MRC2: variants seen among roughly 807,000 people sequenced by gnomAD.
MRC2 encodes the protein mannose receptor C-type 2.
In MRC2, 84 loss-of-function variants were observed where a neutral mutation model predicts 206.2. The ratio of observed to expected loss-of-function variants is 0.41; its 90% confidence interval spans 0.34 to 0.49. The LOEUF (loss-of-function observed/expected upper bound fraction) is 0.49, where lower values mean the gene tolerates loss of function less well. Among genes scored for constraint, MRC2 ranks in the 20% least tolerant of loss-of-function variants. The pLI is 0.31. For synonymous variants in MRC2, 798 were observed against 800.0 expected (o/e 1.00, Z 0.04); for missense variants, 1,676 against 2,001.5 (o/e 0.84, Z 3.10).
chr17:62,687,960 G>A (rs972447891), intron 20 of MRC2, among the ~76,000 whole-genome samples: 10 of 152,298 alleles, frequency 6.6e-5, no homozygotes, highest in African/African-American at 2.2e-4. Flanking sequence ...ACATTCGGAA[G>A]GGTGTTTAGC....
chr17:62,684,606 C>T (rs917729299), intron 20 of MRC2, among the ~76,000 whole-genome samples: 4 of 152,056 alleles, frequency 2.6e-5, no homozygotes, highest in South Asian at 2.1e-4. Context: ...TTTTACCTGG[C>T]GATTGACAAC....
intron 1 of MRC2, chr17:62,661,546 TTCTC>T (rs1175954026): frequency 6.7e-6 from 1 of 149,832 alleles, no homozygotes; most frequent in Non-Finnish European, 1.5e-5. Context: ...TTTTCTTTCT[TTCTC>T]TTTCTTTCTT....
chr17:62,664,505 G>A lies in MRC2; in HGVS notation c.119-43G>A. 6.4e-7 allele frequency: 1 copy of A among 1,567,752 alleles called. No homozygotes were observed. Among genetic ancestry groups the A allele is most frequent in the Non-Finnish European group, 8.6e-7 (1 of 1,157,690 alleles). On this transcript the variant is annotated intron_variant, in intron 1 of 29. Transcript: ENST00000303375. This position sits in a 1 kb window ranked among gnomAD's most constrained non-coding sequence, Gnocchi z 4.7. The stretch of plus-strand genomic sequence containing the variant: ...CACACCGGTCATCAAGGGCCAACCA[G>A]GAGAGCCCCTGTGATGCCTTCGTGT...
chr17:62,675,556 A>C lies in MRC2; in HGVS notation c.1570-234A>C, dbSNP rs1331441206. Among the ~76,000 whole-genome samples, 2 of 152,182 alleles carry C rather than the reference A, an allele frequency of 1.3e-5. No homozygotes were observed. Among genetic ancestry groups the C allele is most frequent in the Non-Finnish European group, 2.9e-5 (2 of 68,034 alleles). ...ACTGGCCGGTCGCTGGTGGCCTGCC[A>C]ATCAGCCACGCTGGGGCTGGGCCTC... On this transcript the variant is annotated intron_variant, in intron 9 of 29. Coordinates refer to ENST00000303375, the MANE Select transcript of MRC2 (RefSeq NM_006039.5). This position sits in a 1 kb window ranked among gnomAD's most constrained non-coding sequence, Gnocchi z 4.1.
intron 1 of MRC2, among the ~76,000 whole-genome samples, chr17:62,657,343 G>T (rs2088630189): frequency 6.6e-6 from 1 of 152,168 alleles, no homozygotes; most frequent in Admixed American, 6.5e-5. Context: ...ATACATCATT[G>T]TTGGATGAAT....
intron 18 of MRC2, 77 bp from the exon 19 acceptor site, chr17:62,681,760 C>T (rs758626193): frequency 7.3e-5 from 83 of 1,140,008 alleles, no homozygotes; most frequent in South Asian, 3.5e-4. Context: ...CCCATTCCTG[C>T]GGCCTTCATT....
intron 1 of MRC2, among the ~76,000 whole-genome samples, chr17:62,638,761 A>C (rs1300938037): frequency 6.9e-6 from 1 of 145,804 alleles, no homozygotes; most frequent in Non-Finnish European, 1.5e-5. Flanking sequence ...AAAAAAAGAA[A>C]GAAACAATTA....
At chr17:62,677,232 C>G (rs1388660909) in intron 11 of MRC2, 37 bp from the exon 12 acceptor site, 5 of 1,505,106 alleles carry the variant, frequency 3.3e-6, no homozygotes, top group Non-Finnish European at 3.6e-6. Flanking sequence ...ACTATGAATC[C>G]TTCTCAGAGC....
At chr17:62,662,681 G>A (rs2088695162) in intron 1 of MRC2, among the ~76,000 whole-genome samples, 1 of 152,084 alleles carries the variant, frequency 6.6e-6, no homozygotes, top group Non-Finnish European at 1.5e-5. Context: ...AGACCAAGGT[G>A]GGCGGATCAC....
rs1240462368 is a variant in MRC2, at chr17:62,680,350, G to A, written c.2437+42G>A. 1 of 1,613,496 alleles carries A rather than the reference G, an allele frequency of 6.2e-7. No homozygotes were observed. Among genetic ancestry groups the A allele is most frequent in the Non-Finnish European group, 8.5e-7 (1 of 1,179,688 alleles). On this transcript the variant is annotated intron_variant, in intron 15 of 29. Transcript: ENST00000303375. This position sits in a 1 kb window ranked among gnomAD's most constrained non-coding sequence, Gnocchi z 4.8. ...CTGGGGGACGCGGGATGGAGCGAAG[G>A]GTGGCGGGGCCAGGAATTCCAGGGA...
chr17:62,676,336 A>T, intron 10 of MRC2, 47 bp from the exon 11 acceptor site: 5 of 1,606,454 alleles, frequency 3.1e-6, no homozygotes, highest in Non-Finnish European at 4.2e-6. Context: ...TGACTGGGGG[A>T]TTGGGAAGCA....
Position 62,689,563 on chromosome 17 carries a change from C to T in MRC2, c.3376C>T (p.Pro1126Ser), listed in dbSNP as rs1267921241. The T allele has an allele frequency of 1.3e-6, 2 of 1,598,742 alleles. No individual in the cohort carries two copies. Among genetic ancestry groups the T allele is most frequent in the Non-Finnish European group, 8.5e-7 (1 of 1,172,432 alleles). Residue 1126 changes from proline (P) to serine (S), a missense_variant, in exon 24 of 30, where the codon CCG becomes TCG. By Grantham distance (74) the Pro-to-Ser change is moderately conservative. This residue lies in a region of MRC2 where 1,354 missense variants were observed against 1,636.6 expected (regional missense o/e 0.83). Transcript: ENST00000303375. ...SPSPAALPPA[P>S]GTELSYLNGT... ...GTCCCCAGCAGCGCTGCCCCCCGCC[C>T]CGGGCACTGAGCTCTCCTACCTCAA...
At chr17:62,639,397 A>C (rs1306290731) in intron 1 of MRC2, among the ~76,000 whole-genome samples, 10 of 152,170 alleles carry the variant, frequency 6.6e-5, no homozygotes, top group Non-Finnish European at 1.5e-4. Context: ...GAAGGAAATT[A>C]GCTTTCTTTA....
rs369803888 is a variant in MRC2, at chr17:62,692,286, C to T, written c.4275C>T (p.Leu1425=). ...TGGTGCTGATGGCGGTGCTGCTGCT[C>T]CTGGCCTTGCTGACCGCAGCCCTCA... ...LVVVLMAVLL[L]LALLTAALIL... Residue 1425 remains leucine (L), a synonymous_variant, in exon 30 of 30, where the codon CTC becomes CTT. Transcript: ENST00000303375. The surrounding 1 kb of genome is among the most constrained non-coding windows in gnomAD (Gnocchi z 4.2). 1.0e-5 allele frequency: 16 copies of T among 1,600,340 alleles called. No homozygotes were observed. The highest frequency in any genetic ancestry group is 1.3e-5 in the African/African-American group (1 of 74,792).
Position 62,657,326 on chromosome 17 carries a change from A to T in MRC2, c.119-7222A>T, listed in dbSNP as rs75006914. Among the ~76,000 whole-genome samples, 5,399 of 152,302 alleles carry T rather than the reference A, an allele frequency of 0.035. 763 individuals carry two copies. In the East Asian group the frequency reaches 0.44, roughly 13 times the overall value. The stretch of plus-strand genomic sequence containing the variant: ...CTGATGCCCTGCTGGCATCTATGAA[A>T]TTCTCAATACATCATTGTTGGATGA... On this transcript the variant is annotated intron_variant, in intron 1 of 29. Transcript: ENST00000303375.
At position 62,689,062 on chromosome 17, in the gene MRC2, A is replaced by G. The variant is rs2089068249; in HGVS notation, c.3334+102A>G. ...AAGGAATCATGGTCCCTGGCAGAGC[A>G]GGGCTCTGCTTGGGAAGCAGATGGG... On this transcript the variant is annotated intron_variant, in intron 23 of 29. Transcript: ENST00000303375. The G allele has an allele frequency of 5.3e-6, 5 of 947,240 alleles. No homozygotes were observed. In the South Asian group the frequency reaches 7.4e-5, roughly 14 times the overall value. 58.7% of individuals were successfully genotyped at this position (947,240 alleles called of 1,614,324 possible). A position where few individuals can be genotyped will look rare whatever the true frequency, so the allele number is the denominator to read the frequency against.
chr17:62,675,461 C>T lies in MRC2; in HGVS notation c.1570-329C>T, dbSNP rs185535079. 1.3e-5 allele frequency among the ~76,000 whole-genome samples: 2 copies of T among 152,324 alleles called. No individual in the cohort carries two copies. The highest frequency in any genetic ancestry group is 1.3e-4 in the Admixed American group (2 of 15,304). ...GGTTTCCCAGCCAACAGTAATTTCC[C>T]CACTGTGTCTCTTGGTTTAAATGCC... On this transcript the variant is annotated intron_variant, in intron 9 of 29. Coordinates refer to ENST00000303375, the MANE Select transcript of MRC2 (RefSeq NM_006039.5). The surrounding 1 kb of genome is among the most constrained non-coding windows in gnomAD (Gnocchi z 4.1).
chr17:62,677,268 G>T lies in MRC2; in HGVS notation c.1835-1G>T. The T allele has an allele frequency of 6.3e-7, 1 of 1,589,458 alleles. No individual in the cohort carries two copies. The highest frequency in any genetic ancestry group is 2.3e-5 in the East Asian group (1 of 43,888). The stretch of plus-strand genomic sequence containing the variant: ...CTGGGTCTCCCTTCCCTCTCCTTCA[G>T]GGTACAGCCGTGGGGGCTGCGTGGC... On this transcript the variant is annotated splice_acceptor_variant, in intron 11 of 29. Coordinates refer to ENST00000303375, the MANE Select transcript of MRC2 (RefSeq NM_006039.5). LOFTEE classifies it high-confidence loss of function.
rs778871717 is a variant in MRC2 at position 62,638,732 on chromosome 17, T to A, written c.118+10812T>A. Among the ~76,000 whole-genome samples the A allele has an allele frequency of 1.6e-3, 189 of 115,522 alleles. 1 individual carries two copies. Among genetic ancestry groups the A allele is most frequent in the Admixed American group, 6.2e-3 (65 of 10,490 alleles). The allele number at this position is 115,522 out of a possible 152,430, so 75.8% of individuals were successfully genotyped here. Reference sequence around the variant, plus strand: ...CAGCCTGGGTGACAGAGTGAAACCCTGTCTCAAAAAAAAAAAAAAAAAAAA... The same window carrying A: ...CAGCCTGGGTGACAGAGTGAAACCCAGTCTCAAAAAAAAAAAAAAAAAAAA... On this transcript the variant is annotated intron_variant, in intron 1 of 29. Transcript: ENST00000303375.
Sources: gnomAD v4.1 joint callset for allele counts (sites outside exome capture counted in the v4.1 genomes callset) on GRCh38, gnomAD v4.1.1 for gene constraint, gnomAD v4.1.1 regional missense constraint, Gnocchi (gnomAD v3.1) non-coding constraint, MANE v1.5 for transcripts, NCBI Gene and HGNC (gene_info 2026-07-23, HGNC 2026-07-21) for gene names.